FRMPD4: variants seen among roughly 807,000 people sequenced by gnomAD.
FRMPD4 encodes FERM and PDZ domain containing 4.
Under a neutral mutation model 94.1 loss-of-function variants are expected in FRMPD4, and 22 were observed. The observed-to-expected ratio is 0.23, with a 90% CI of 0.17 to 0.33. The LOEUF is 0.33. FRMPD4 is among the 10% of genes least tolerant of loss of function. The pLI is 1.00. For missense variants in FRMPD4, 1,111 were observed against 1,339.9 expected (o/e 0.83, Z 2.67); for synonymous variants, 631 against 548.6 (o/e 1.15, Z -2.10).
chrX:12,346,337 C>T (rs190635392), intron 1 of FRMPD4, among the ~76,000 whole-genome samples: 30 of 109,819 alleles, frequency 2.7e-4, no homozygotes, highest in Non-Finnish European at 5.7e-5. Flanking sequence ...AGGCAGAGTC[C>T]AATCTGAAAT....
At chrX:12,026,120 A>G (rs2054659948) in intron 3 of FRMPD4, among the ~76,000 whole-genome samples, 1 of 111,191 alleles carries the variant, frequency 9.0e-6, no homozygotes, top group Admixed American at 9.5e-5. Flanking sequence ...TATCCTCCAC[A>G]GCAACCCATT....
rs1204336010 is a variant in FRMPD4 at position 12,111,819 on chromosome X, C to T, written c.95+233801C>T. Among the ~76,000 whole-genome samples the T allele has an allele frequency of 1.7e-4, 19 of 111,900 alleles. No individual in the cohort carries two copies. The Admixed American group carries it at 1.7e-3, about 10-fold the overall frequency. On this transcript the variant is annotated intron_variant, in intron 3 of 18. Transcript: ENST00000640291. ...CAGCCAACAGACACATGAAAAAATG[C>T]TCATCATCACTGGCCATCAGAGAAA...
chrX:12,472,972 G>T (rs1237662897), intron 1 of FRMPD4, among the ~76,000 whole-genome samples: 4 of 109,283 alleles, frequency 3.7e-5, no homozygotes, highest in Non-Finnish European at 7.6e-5. Flanking sequence ...ACGCCACAAA[G>T]ATACTCCTCG....
At chrX:12,136,979 T>C (rs1308388925), upstream of FRMPD4, among the ~76,000 whole-genome samples, 4 of 109,060 alleles carry the variant, frequency 3.7e-5, no homozygotes, top group African/African-American at 1.3e-4. Flanking sequence ...GATTATGGCA[T>C]AAAAATAAAA....
intron 1 of FRMPD4, among the ~76,000 whole-genome samples, chrX:12,257,752 A>G (rs1333337419): frequency 9.0e-6 from 1 of 111,516 alleles, no homozygotes; most frequent in Non-Finnish European, 1.9e-5. Flanking sequence ...TGTTTTAGGT[A>G]CCCTGAAAAA....
intron 1 of FRMPD4, among the ~76,000 whole-genome samples, chrX:12,458,189 T>G (rs976363769): frequency 7.2e-5 from 8 of 111,453 alleles, no homozygotes; most frequent in Admixed American, 6.6e-4. Context: ...TTCATTTTTA[T>G]TGCTAAGAAG....
chrX:11,841,479 G>T (rs1375201672), intron 1 of FRMPD4, among the ~76,000 whole-genome samples: 5 of 107,291 alleles, frequency 4.7e-5, no homozygotes, highest in African/African-American at 6.8e-5. Context: ...GTTTTGATTT[G>T]CATTTCTCTG....
chrX:11,857,237 C>G (rs914602282), intron 1 of FRMPD4, among the ~76,000 whole-genome samples: 3 of 111,176 alleles, frequency 2.7e-5, no homozygotes, highest in Middle Eastern at 4.6e-3. Flanking sequence ...CAAAAAGGAG[C>G]CCGAATAGCC....
chrX:12,434,341 A>G (rs1424069749), intron 1 of FRMPD4, among the ~76,000 whole-genome samples: 1 of 111,331 alleles, frequency 9.0e-6, no homozygotes, highest in African/African-American at 3.3e-5. Flanking sequence ...GGTTAAGCCT[A>G]CGCCTTCTTC....
In FRMPD4 at chrX:12,717,924, A is replaced by T. The variant is rs1416442861; in HGVS notation, c.3098A>T (p.Asp1033Val). The T allele has an allele frequency of 8.3e-7, 1 of 1,210,320 alleles. No individual in the cohort carries two copies. The highest frequency in any genetic ancestry group is 1.1e-6 in the Non-Finnish European group (1 of 895,082). The change falls in exon 16 of 17, where the codon GAT becomes GTT. Residue 1033 changes from aspartate (D) to valine (V), a missense_variant. This residue lies in a region of FRMPD4 where 551 missense variants were observed against 591.6 expected (regional missense o/e 0.93). Coordinates refer to ENST00000675598, the MANE Select transcript of FRMPD4 (RefSeq NM_001368397.1). ...AGCAAAAGGAAAAGCAAGCTGGCCG[A>T]TGGTGAGGGGAAGGCACCCCCTAAT... ...CTSKRKSKLA[D>V]GEGKAPPNGN...
intron 1 of FRMPD4, among the ~76,000 whole-genome samples, chrX:12,480,500 T>C (rs1443036875): frequency 9.0e-6 from 1 of 111,650 alleles, no homozygotes; most frequent in Non-Finnish European, 1.9e-5. Flanking sequence ...AAAATGTTTA[T>C]GTTTCTTGTA....
At chrX:12,165,980 A>T (rs1427761018) in intron 1 of FRMPD4, among the ~76,000 whole-genome samples, 2 of 111,715 alleles carry the variant, frequency 1.8e-5, no homozygotes, top group African/African-American at 6.5e-5. Flanking sequence ...TAGATATACA[A>T]TCATGTTATC....
At chrX:12,667,642 G>A (rs1002251712) in intron 4 of FRMPD4, among the ~76,000 whole-genome samples, 1 of 112,233 alleles carries the variant, frequency 8.9e-6, no homozygotes, top group Admixed American at 9.4e-5. Flanking sequence ...TGGAAGCTGG[G>A]CTTCTTCCTC....
At chrX:12,389,050 G>T (rs746844754) in intron 1 of FRMPD4, among the ~76,000 whole-genome samples, 75 of 108,622 alleles carry the variant, frequency 6.9e-4, no homozygotes, top group African/African-American at 2.5e-3. Context: ...TACAGGGGCT[G>T]AGGGGTGGGA....
rs190489268 is a variant in FRMPD4, at chrX:12,519,232, T to A, written c.158+20436T>A. 5.3e-5 allele frequency among the ~76,000 whole-genome samples: 6 copies of A among 112,566 alleles called. No individual in the cohort carries two copies. In the Admixed American group the frequency reaches 5.6e-4, roughly 11 times the overall value. On this transcript the variant is annotated intron_variant, in intron 2 of 16. Coordinates refer to ENST00000675598, the MANE Select transcript of FRMPD4 (RefSeq NM_001368397.1). The stretch of plus-strand genomic sequence containing the variant: ...GTATGACAGCTCAAGGAATCCTGAA[T>A]AATCAAATCAATTTTTTAAAAGAAA...
At chrX:11,893,841 A>AG (rs2053888055) in intron 3 of FRMPD4, among the ~76,000 whole-genome samples, 1 of 111,250 alleles carries the variant, frequency 9.0e-6, no homozygotes, top group Admixed American at 9.6e-5. Context: ...AGAGAGTTAG[A>AG]GAAGGAAAAA....
chrX:12,683,313 C>A (rs1569409007), intron 5 of FRMPD4, among the ~76,000 whole-genome samples, 170 bp from the exon 6 acceptor site: 1 of 112,211 alleles, frequency 8.9e-6, no homozygotes, highest in South Asian at 3.7e-4. Context: ...AACTTATAGA[C>A]ATGACAGTGT....
intron 3 of FRMPD4, among the ~76,000 whole-genome samples, chrX:11,994,542 G>A (rs1035659337): frequency 9.0e-6 from 1 of 111,036 alleles, no homozygotes; most frequent in East Asian, 2.8e-4. Context: ...TTTGAGAGTC[G>A]AAGAAGAGTA....
rs191636795 is a variant in FRMPD4, at chrX:12,049,400, G to T, written c.95+171382G>T. Among the ~76,000 whole-genome samples, 264 of 111,249 alleles carry T rather than the reference G, an allele frequency of 2.4e-3. 1 individual carries two copies. Among genetic ancestry groups the T allele is most frequent in the African/African-American group, 7.4e-3 (228 of 30,679 alleles). ...CAAACCTTTTGGCAGAGTCTTAAGG[G>T]TTTCCTAGGTATAGAGTCATATTAT... On this transcript the variant is annotated intron_variant, in intron 3 of 18. Transcript: ENST00000640291.
Sources: allele counts gnomAD v4.1 joint callset (sites outside exome capture counted in the v4.1 genomes callset), GRCh38; gene constraint gnomAD v4.1.1; regional missense constraint gnomAD v4.1.1; transcripts MANE v1.5; gene names NCBI Gene and HGNC (gene_info 2026-07-23, HGNC 2026-07-21).